The following GAB2 variants were observed in gnomAD, a reference collection of about 807,000 sequenced individuals.
GAB2 encodes GRB2-associated-binding protein 2.
Under a neutral mutation model 65.5 loss-of-function variants are expected in GAB2, and 26 were observed. The observed-to-expected ratio is 0.40, with a 90% confidence interval of 0.29 to 0.55. GAB2 has a LOEUF of 0.55. Ranked by LOEUF, GAB2 falls within the 20% of genes least tolerant of loss-of-function variation. GAB2 has a pLI of 0.53. For synonymous variants in GAB2, 321 were observed against 329.6 expected (o/e 0.97, Z 0.28); for missense variants, 884 against 875.8 (o/e 1.01, Z -0.12).
intron 1 of GAB2, among the ~76,000 whole-genome samples, chr11:78,303,913 T>A (rs932481991): frequency 3.9e-5 from 6 of 152,204 alleles, no homozygotes; most frequent in Admixed American, 6.5e-5. Flanking sequence ...CTCATTCTCA[T>A]GTCCTTGAAA....
intron 1 of GAB2, among the ~76,000 whole-genome samples, chr11:78,404,578 T>C (rs1025268391): frequency 2.0e-5 from 3 of 152,220 alleles, no homozygotes; most frequent in African/African-American, 7.2e-5. Flanking sequence ...TATTCGGCCA[T>C]ACAAATAATG....
intron 1 of GAB2, among the ~76,000 whole-genome samples, chr11:78,367,177 C>T (rs895217811): frequency 1.3e-5 from 2 of 152,154 alleles, no homozygotes; most frequent in African/African-American, 2.4e-5. Context: ...TCAACTTGGA[C>T]CAAGAGTCAC....
chr11:78,331,585 C>T (rs142045372), intron 1 of GAB2, among the ~76,000 whole-genome samples: 2 of 152,304 alleles, frequency 1.3e-5, no homozygotes, highest in African/African-American at 2.4e-5. Context: ...TCCAGAATTT[C>T]AGTTCTCCAA....
At chr11:78,294,845 TA>T (rs1310882654) in intron 1 of GAB2, among the ~76,000 whole-genome samples, 5 of 152,118 alleles carry the variant, frequency 3.3e-5, no homozygotes, top group Admixed American at 3.3e-4. Context: ...ACTTCATGTC[TA>T]AAACACCAAA....
chr11:78,416,889 C>T (rs868382811), intron 1 of GAB2, among the ~76,000 whole-genome samples: 1 of 152,006 alleles, frequency 6.6e-6, no homozygotes. Context: ...CCAGCGATCT[C>T]AGTAAACACT....
At position 78,414,186 on chromosome 11, in the gene GAB2, CTCA is replaced by C. The variant is rs1479074919; in HGVS notation, c.75+3457_75+3459del. 3.9e-5 allele frequency among the ~76,000 whole-genome samples: 6 copies of C among 152,040 alleles called. 1 individual carries two copies. The highest frequency in any genetic ancestry group is 3.9e-4 in the Admixed American group (6 of 15,276). ...CATCGTACGTACAGACAACTACTCCCTCATCATTTCAATTTTCCTTTGAAGGAG... is the reference window on the plus strand; with the variant it reads ...CATCGTACGTACAGACAACTACTCCCTCATTTCAATTTTCCTTTGAAGGAG... On this transcript the variant is annotated intron_variant, in intron 1 of 9. Coordinates refer to ENST00000361507, the MANE Select transcript of GAB2 (RefSeq NM_080491.3).
chr11:78,382,707 GCC>G (rs1179274745), intron 1 of GAB2, among the ~76,000 whole-genome samples: 7 of 152,078 alleles, frequency 4.6e-5, no homozygotes, highest in Non-Finnish European at 1.0e-4. Context: ...TTTAGACTTA[GCC>G]ACAATAAATC....
At chr11:78,326,730 T>C (rs574183638) in intron 1 of GAB2, among the ~76,000 whole-genome samples, 17 of 152,370 alleles carry the variant, frequency 1.1e-4, no homozygotes, top group East Asian at 3.9e-4. Flanking sequence ...GTAACTTCTG[T>C]TGAATACATG....
intron 1 of GAB2, among the ~76,000 whole-genome samples, chr11:78,330,275 CT>C (rs1371802157): frequency 4.6e-5 from 7 of 152,184 alleles, no homozygotes; most frequent in African/African-American, 1.4e-4. Flanking sequence ...AAATTCCTTC[CT>C]GTTTAAAGTA....
rs781760438 is a variant in GAB2 at position 78,216,257 on chromosome 11, G to A, written c.*3015C>T. The A allele has an allele frequency of 3.3e-5, 5 of 152,230 alleles. No homozygotes were observed. The highest frequency in any genetic ancestry group is 4.8e-5 in the African/African-American group (2 of 41,418). The allele number at this position is 152,230 out of a possible 1,614,324, so 9.4% of individuals were successfully genotyped here. The stretch of plus-strand genomic sequence containing the variant: ...AGAAGTGGAGCTGGAAGTGGGTGAA[G>A]AAGGCTCCTTGGAGAGCCCCAGGCA... On this transcript the variant is annotated 3_prime_UTR_variant, in exon 10 of 10. Coordinates refer to ENST00000361507, the MANE Select transcript of GAB2 (RefSeq NM_080491.3).
At chr11:78,280,580 G>A (rs142321308) in intron 2 of GAB2, 21 bp downstream of exon 2, 1 of 1,593,832 alleles carries the variant, frequency 6.3e-7, no homozygotes, top group African/African-American at 1.3e-5. Context: ...CTATGAGAAA[G>A]ATCTGTGTGC....
At chr11:78,326,150 C>T (rs899092005) in intron 1 of GAB2, among the ~76,000 whole-genome samples, 2 of 152,150 alleles carry the variant, frequency 1.3e-5, no homozygotes, top group African/African-American at 4.8e-5. Context: ...TTGCTTTATT[C>T]CACTTATATC....
At chr11:78,255,586 C>T (rs1865574314) in intron 2 of GAB2, among the ~76,000 whole-genome samples, 1 of 152,198 alleles carries the variant, frequency 6.6e-6, no homozygotes, top group African/African-American at 2.4e-5. Context: ...GCCTGTGCCC[C>T]AATAGATGAG....
chr11:78,408,239 G>A (rs1857080324), intron 1 of GAB2, among the ~76,000 whole-genome samples: 1 of 152,098 alleles, frequency 6.6e-6, no homozygotes, highest in Non-Finnish European at 1.5e-5. Context: ...TATATATGGA[G>A]GATGGCAAAA....
chr11:78,250,178 C>T lies in GAB2; in HGVS notation c.599G>A (p.Ser200Asn). 2 of 1,613,122 alleles carry T rather than the reference C, an allele frequency of 1.2e-6. No individual in the cohort carries two copies. Among genetic ancestry groups the T allele is most frequent in the Non-Finnish European group, 1.7e-6 (2 of 1,179,934 alleles). The part of the protein sequence containing the change: ...QEYLYLHQCI[S>N]RRAENARSAS... ...CTACCTTGCATTTTCTGCTCTTCGG[C>T]TTATGCACTGGTGCAAGTAGAGATA... Residue 200 changes from serine to asparagine, a missense_variant, in exon 3 of 10, where the codon AGC (serine) becomes AAC (asparagine). Coordinates refer to ENST00000361507, the MANE Select transcript of GAB2 (RefSeq NM_080491.3).
intron 1 of GAB2, among the ~76,000 whole-genome samples, chr11:78,412,353 T>C (rs931648439): frequency 3.9e-5 from 6 of 152,112 alleles, no homozygotes; most frequent in Admixed American, 1.3e-4. Context: ...ACAATAACTA[T>C]TGATGCATGA....
intron 4 of GAB2, 62 bp downstream of exon 4, chr11:78,226,403 C>T: frequency 7.6e-7 from 1 of 1,315,974 alleles, no homozygotes; most frequent in Non-Finnish European, 1.1e-6. Flanking sequence ...GACCATCAAA[C>T]TATTGAGAAC....
intron 1 of GAB2, among the ~76,000 whole-genome samples, chr11:78,346,063 G>C (rs140377800): frequency 4.6e-5 from 7 of 152,052 alleles, no homozygotes; most frequent in African/African-American, 9.7e-5. Context: ...GCAAATAATT[G>C]CATCACAGAG....
Position 78,223,481 on chromosome 11 carries a change from G to A in GAB2, c.1498C>T (p.Arg500Ter). The change falls in exon 6 of 10, where the codon CGA (arginine) becomes TGA (stop). Residue 500 changes from arginine (R) to a stop codon, truncating the protein, a stop_gained. Coordinates refer to ENST00000361507, the MANE Select transcript of GAB2 (RefSeq NM_080491.3). LOFTEE classifies it high-confidence loss of function. The stretch of plus-strand genomic sequence containing the variant: ...ATCTCACTTCCTCTGCTGGGGCCTC[G>A]GTGCACAGGAAGGGTTGTTGATGGG... Reference protein sequence around the residue: ...GYPSTTLPVHRGPSRGSEIQP... With the variant: ...GYPSTTLPVH 1 of 1,603,120 alleles carries A rather than the reference G, an allele frequency of 6.2e-7. No individual in the cohort carries two copies. The highest frequency in any genetic ancestry group is 1.1e-5 in the South Asian group (1 of 89,930).
Sources: gnomAD v4.1 joint callset for allele counts (sites outside exome capture counted in the v4.1 genomes callset) on GRCh38, gnomAD v4.1.1 for gene constraint, MANE v1.5 for transcripts, NCBI Gene and HGNC (gene_info 2026-07-23, HGNC 2026-07-21) for gene names.